FHIT: variants seen among roughly 807,000 people sequenced by gnomAD.
The protein encoded by FHIT is fragile histidine triad diadenosine triphosphatase.
FHIT carries 19 observed loss-of-function variants against 17.9 expected under a neutral mutation model. That is an observed-to-expected ratio of 1.06 (90% CI 0.74 to 1.56). FHIT has a LOEUF of 1.56. Among genes scored for constraint, FHIT ranks in the 40% most tolerant of loss-of-function variants. FHIT has a pLI of 0.00. For missense variants in FHIT, 248 were observed against 189.2 expected, an observed-to-expected ratio of 1.31 and a Z score of -1.82; for synonymous variants, 81 against 69.7, an observed-to-expected ratio of 1.16 and a Z score of -0.81.
chr3:60,450,652 T>C (rs532165170), intron 5 of FHIT, among the ~76,000 whole-genome samples: 12 of 152,260 alleles, frequency 7.9e-5, no homozygotes, highest in African/African-American at 2.6e-4. Flanking sequence ...AGAGTTCCAG[T>C]AATGCCAGCA....
At chr3:60,923,522 T>C (rs540891317) in intron 3 of FHIT, among the ~76,000 whole-genome samples, 3 of 152,340 alleles carry the variant, frequency 2.0e-5, no homozygotes, top group Admixed American at 1.3e-4. Flanking sequence ...ATTCATTCAA[T>C]AATTATACTT....
At chr3:61,097,972 T>C (rs187880393) in intron 2 of FHIT, among the ~76,000 whole-genome samples, 3 of 152,356 alleles carry the variant, frequency 2.0e-5, no homozygotes, top group African/African-American at 4.8e-5. Context: ...CATTTGTCAA[T>C]TTTTGCTTTT....
chr3:60,579,315 C>G (rs561684603), intron 4 of FHIT, among the ~76,000 whole-genome samples: 1 of 152,208 alleles, frequency 6.6e-6, no homozygotes, highest in South Asian at 2.1e-4. Flanking sequence ...CTGTAGATAA[C>G]TGTAACACAA....
At chr3:59,945,636 G>A (rs905283988) in intron 7 of FHIT, among the ~76,000 whole-genome samples, 2 of 151,420 alleles carry the variant, frequency 1.3e-5, no homozygotes, top group African/African-American at 4.9e-5. Context: ...TTATCTTCCA[G>A]AGTTTTTACA....
chr3:60,228,393 G>C (rs892025196), intron 5 of FHIT, among the ~76,000 whole-genome samples: 3 of 152,130 alleles, frequency 2.0e-5, no homozygotes, highest in African/African-American at 7.2e-5. Flanking sequence ...ATAGACAGGA[G>C]TAGTTATGAT....
intron 8 of FHIT, among the ~76,000 whole-genome samples, chr3:59,851,808 T>G (rs1228757687): frequency 1.3e-5 from 2 of 152,228 alleles, no homozygotes. Context: ...ATTTTTAAAC[T>G]GCAAGATTAA....
intron 8 of FHIT, among the ~76,000 whole-genome samples, chr3:59,851,397 C>T (rs1253209099): frequency 6.6e-6 from 1 of 152,178 alleles, no homozygotes; most frequent in African/African-American, 2.4e-5. Flanking sequence ...CATTATTGTA[C>T]TTGATCCTTA....
chr3:60,650,075 C>T (rs1325282302), intron 4 of FHIT, among the ~76,000 whole-genome samples: 1 of 152,214 alleles, frequency 6.6e-6, no homozygotes, highest in Non-Finnish European at 1.5e-5. Flanking sequence ...CTATACTGTG[C>T]TTCTGAGAGC....
At chr3:60,443,100 T>C (rs1338452459) in intron 5 of FHIT, among the ~76,000 whole-genome samples, 1 of 152,174 alleles carries the variant, frequency 6.6e-6, no homozygotes, top group Non-Finnish European at 1.5e-5. Context: ...ATAAGAATGC[T>C]TGTGATTTTT....
At chr3:60,306,916 A>G (rs561345375) in intron 5 of FHIT, among the ~76,000 whole-genome samples, 162 of 152,252 alleles carry the variant, frequency 1.1e-3, no homozygotes, top group African/African-American at 3.7e-3. Context: ...GTTTTCCTTC[A>G]TCTTAGCCAC....
chr3:60,746,913 G>T (rs1270307593), intron 4 of FHIT, among the ~76,000 whole-genome samples: 6 of 152,168 alleles, frequency 3.9e-5, no homozygotes, highest in Admixed American at 2.0e-4. Context: ...TGACTGTAAT[G>T]CTCCAAGACT....
intron 8 of FHIT, among the ~76,000 whole-genome samples, chr3:59,846,755 C>G (rs977476236): frequency 4.6e-5 from 7 of 152,126 alleles, no homozygotes; most frequent in African/African-American, 1.7e-4. Context: ...TCTTGAAGGG[C>G]AGATCTAGTT....
At chr3:60,830,530 T>C (rs1042391493) in intron 3 of FHIT, among the ~76,000 whole-genome samples, 13 of 152,150 alleles carry the variant, frequency 8.5e-5, no homozygotes, top group African/African-American at 2.7e-4. Flanking sequence ...ATAAGAGAAA[T>C]GTCACAATTT....
At chr3:60,971,801 A>T (rs1334454545) in intron 3 of FHIT, among the ~76,000 whole-genome samples, 1 of 152,216 alleles carries the variant, frequency 6.6e-6, no homozygotes, top group Non-Finnish European at 1.5e-5. Context: ...TTAAAATAAA[A>T]AAATAAGAAT....
At chr3:59,791,776 T>C (rs1258996129) in intron 8 of FHIT, among the ~76,000 whole-genome samples, 1 of 152,152 alleles carries the variant, frequency 6.6e-6, no homozygotes, top group Admixed American at 6.6e-5. Flanking sequence ...ATTTTGGGGA[T>C]GACCCTGTCA....
At chr3:60,347,025 T>C (rs1310105132) in intron 5 of FHIT, among the ~76,000 whole-genome samples, 1 of 151,972 alleles carries the variant, frequency 6.6e-6, no homozygotes, top group Non-Finnish European at 1.5e-5. Context: ...TATGATTTGA[T>C]AAAAAATAGA....
intron 7 of FHIT, among the ~76,000 whole-genome samples, chr3:59,989,462 T>A (rs567086256): frequency 1.3e-5 from 2 of 152,098 alleles, no homozygotes; most frequent in South Asian, 4.1e-4. Flanking sequence ...ACTCCAACAA[T>A]GAGTTCAGAA....
At chr3:60,533,828 C>T (rs917178900) in intron 5 of FHIT, among the ~76,000 whole-genome samples, 1 of 152,150 alleles carries the variant, frequency 6.6e-6, no homozygotes, top group Non-Finnish European at 1.5e-5. Context: ...AAAAAACAGA[C>T]ATTCCTTATT....
chr3:60,775,548 T>G (rs1489586371), intron 4 of FHIT, among the ~76,000 whole-genome samples: 2 of 152,190 alleles, frequency 1.3e-5, no homozygotes, highest in Non-Finnish European at 1.5e-5. Context: ...CATCGGTCTG[T>G]GAACCTAAAT....
Sources: gnomAD v4.1 joint callset for allele counts (sites outside exome capture counted in the v4.1 genomes callset) on GRCh38, gnomAD v4.1.1 for gene constraint, MANE v1.5 for transcripts, NCBI Gene and HGNC (gene_info 2026-07-23, HGNC 2026-07-21) for gene names.